Variants in EHMT1 observed in about 807,000 individuals in gnomAD.
The protein encoded by EHMT1 is euchromatic histone lysine methyltransferase 1.
Under a neutral mutation model 147.2 loss-of-function variants are expected in EHMT1, and 15 were observed. The observed-to-expected ratio is 0.10, with a 90% CI of 0.07 to 0.16. EHMT1 has a LOEUF of 0.16. Among genes scored for constraint, EHMT1 ranks in the 10% least tolerant of loss-of-function variants. The pLI is 1.00. For synonymous variants in EHMT1, 795 were observed against 709.6 expected (o/e 1.12, Z -1.91); for missense variants, 1,587 against 1,772.4 (o/e 0.90, Z 1.88).
chr9:137,806,166 G>A lies in EHMT1; in HGVS notation c.2712+5182G>A, dbSNP rs1953932276. 2.0e-5 allele frequency among the ~76,000 whole-genome samples: 3 copies of A among 151,744 alleles called. No homozygotes were observed. The South Asian group carries it at 6.2e-4, about 32-fold the overall frequency. ...TTAGGGATGGGGGTTTCACCATGTT[G>A]GCTAGGCTGGTTTCAAACTCCCAAC... is the stretch of plus-strand genomic sequence containing the variant. On this transcript the variant is annotated intron_variant, in intron 18 of 26. Coordinates refer to ENST00000460843, the MANE Select transcript of EHMT1 (RefSeq NM_024757.5).
rs148377931 is a variant in EHMT1 at position 137,781,472 on chromosome 9, C to G, written c.2276-819C>G. The stretch of plus-strand genomic sequence containing the variant: ...CGGTGATGATGCTGAGATGTGTGGT[C>G]ATGACGCTGGAATGTGTGGTGATGA... On this transcript the variant is annotated intron_variant, in intron 14 of 26. Transcript: ENST00000460843. 1.7e-3 allele frequency among the ~76,000 whole-genome samples: 245 copies of G among 148,208 alleles called. 1 individual carries two copies. Among genetic ancestry groups the G allele is most frequent in the South Asian group, 1.7e-3 (8 of 4,572 alleles).
Position 137,775,042 on chromosome 9 carries a change from G to A in EHMT1, c.1648-67G>A, listed in dbSNP as rs754750449. ...CTCTTGTGTGCCTGCACTGCCCAGCGCCTGGTGGGAGGGAATGCCGGCCTC... is the reference window on the plus strand; with the variant it reads ...CTCTTGTGTGCCTGCACTGCCCAGCACCTGGTGGGAGGGAATGCCGGCCTC... On this transcript the variant is annotated intron_variant, in intron 10 of 26. Coordinates refer to ENST00000460843, the MANE Select transcript of EHMT1 (RefSeq NM_024757.5). The surrounding 1 kb of genome is among the most constrained non-coding windows in gnomAD (Gnocchi z 6.1). The A allele has an allele frequency of 3.9e-5, 63 of 1,609,070 alleles. No homozygotes were observed. Among genetic ancestry groups the A allele is most frequent in the Admixed American group, 8.3e-5 (5 of 59,982 alleles).
At position 137,716,648 on chromosome 9, in the gene EHMT1, A is replaced by C. The variant is rs1221520708; in HGVS notation, c.108A>C (p.Glu36Asp). Residue 36 changes from glutamate (E) to aspartate (D), a missense_variant, in exon 3 of 27, where the codon GAA becomes GAC. Around this residue, in one of 7 missense-constraint regions of EHMT1, gnomAD observed 810 missense variants for 673.0 expected, o/e 1.20. Coordinates refer to ENST00000460843, the MANE Select transcript of EHMT1 (RefSeq NM_024757.5). ...LGEETPMAADEGSAEKQAGEA... is the reference protein window; with the variant it reads ...LGEETPMAADDGSAEKQAGEA... Reference sequence around the variant, plus strand: ...CAGAGACACCTATGGCTGCCGATGAAGGCTCAGCAGAGAAACAGGCAGGAG... The same window carrying C: ...CAGAGACACCTATGGCTGCCGATGACGGCTCAGCAGAGAAACAGGCAGGAG... The C allele has an allele frequency of 2.5e-6, 4 of 1,582,538 alleles. No individual in the cohort carries two copies. The highest frequency in any genetic ancestry group is 3.4e-6 in the Non-Finnish European group (4 of 1,161,700).
intron 1 of EHMT1, among the ~76,000 whole-genome samples, chr9:137,631,542 T>C (rs1045406042): frequency 6.6e-6 from 1 of 152,234 alleles, no homozygotes; most frequent in African/African-American, 2.4e-5. Context: ...AAGGACATTT[T>C]GGTCCGTGGC....
intron 1 of EHMT1, among the ~76,000 whole-genome samples, chr9:137,621,028 C>G (rs892993342): frequency 6.6e-6 from 1 of 152,158 alleles, no homozygotes; most frequent in Non-Finnish European, 1.5e-5. Flanking sequence ...CGCAGTGAGG[C>G]CCAAGATTGA....
chr9:137,716,971 C>A lies in EHMT1; in HGVS notation c.431C>A (p.Ala144Asp). The change falls in exon 3 of 27, where the codon GCC (alanine) becomes GAC (aspartate). Residue 144 changes from alanine to aspartate, a missense_variant. This residue lies in a region of EHMT1 where 810 missense variants were observed against 673.0 expected (regional missense o/e 1.20). Coordinates refer to ENST00000460843, the MANE Select transcript of EHMT1 (RefSeq NM_024757.5). The stretch of plus-strand genomic sequence containing the variant: ...CCCTTGAGGACTACCAGCACTCTGG[C>A]CTCTTCGCTGCCTGGCCATGCTGCA... Reference protein sequence around the residue: ...AQPLRTTSTLASSLPGHAAKT... With the variant: ...AQPLRTTSTLDSSLPGHAAKT... 1.2e-6 allele frequency: 2 copies of A among 1,611,198 alleles called. No homozygotes were observed. Among genetic ancestry groups the A allele is most frequent in the Non-Finnish European group, 1.7e-6 (2 of 1,178,344 alleles).
At chr9:137,823,100 GT>G (rs56014052) in intron 25 of EHMT1, among the ~76,000 whole-genome samples, 25 of 111,142 alleles carry the variant, frequency 2.2e-4, no homozygotes, top group South Asian at 3.1e-4. Context: ...CTGGCTAATT[GT>G]TTTTTTTTTT....
intron 12 of EHMT1, 26 bp from the exon 13 acceptor site, chr9:137,777,856 C>T (rs557828001): frequency 6.2e-7 from 1 of 1,611,440 alleles, no homozygotes; most frequent in South Asian, 1.1e-5. Context: ...TTTTCATAAA[C>T]CTTTCCCCGA....
At chr9:137,718,629 C>T (rs1312050774) in intron 3 of EHMT1, among the ~76,000 whole-genome samples, 1 of 152,160 alleles carries the variant, frequency 6.6e-6, no homozygotes, top group Non-Finnish European at 1.5e-5. Flanking sequence ...CTGTTTCCAG[C>T]TTCCTTACTG....
At chr9:137,798,691 T>C in intron 16 of EHMT1, 122 bp from the exon 17 acceptor site, 2 of 834,032 alleles carry the variant, frequency 2.4e-6, no homozygotes, top group Non-Finnish European at 4.1e-6. Flanking sequence ...TTCCTTGTCA[T>C]TTGAGCAGGA....
rs1216076579 is a variant in EHMT1 at position 137,782,465 on chromosome 9, A to G, written c.2382+68A>G. 2.8e-6 allele frequency: 4 copies of G among 1,422,998 alleles called. No homozygotes were observed. Among genetic ancestry groups the G allele is most frequent in the Non-Finnish European group, 3.8e-6 (4 of 1,043,592 alleles). The allele number at this position is 1,422,998 out of a possible 1,614,324, so 88.1% of individuals were successfully genotyped here. A position where few individuals can be genotyped will look rare whatever the true frequency, so the allele number is the denominator to read the frequency against. ...CTTTTATTTTTACCAAAGTAAAATC[A>G]TACCACGTTCGCGGTTCTTCCAGTG... is the stretch of plus-strand genomic sequence containing the variant. On this transcript the variant is annotated intron_variant, in intron 15 of 26. Transcript: ENST00000460843. This position sits in a 1 kb window ranked among gnomAD's most constrained non-coding sequence, Gnocchi z 5.7.
At chr9:137,663,042 C>A (rs1381084055) in intron 1 of EHMT1, among the ~76,000 whole-genome samples, 2 of 151,660 alleles carry the variant, frequency 1.3e-5, no homozygotes, top group Non-Finnish European at 2.9e-5. Context: ...GATCACCTGC[C>A]TCGGCCTCCC....
chr9:137,661,650 T>G (rs548163101), intron 1 of EHMT1, among the ~76,000 whole-genome samples: 1 of 147,924 alleles, frequency 6.8e-6, no homozygotes, highest in Non-Finnish European at 1.5e-5. Context: ...CATGCCTGGC[T>G]AATTTTTGTA....
chr9:137,743,524 C>G lies in EHMT1; in HGVS notation c.977C>G (p.Ser326Cys), dbSNP rs958602333. The G allele has an allele frequency of 1.9e-6, 3 of 1,613,924 alleles. No individual in the cohort carries two copies. The highest frequency in any genetic ancestry group is 2.2e-5 in the South Asian group (2 of 91,072). The change falls in exon 5 of 27, where the codon TCC becomes TGC. Residue 326 changes from serine (S) to cysteine (C), a missense_variant. By Grantham distance (112) the Ser-to-Cys change is moderately radical (BLOSUM62 -1). This residue lies in a region of EHMT1 where 810 missense variants were observed against 673.0 expected (regional missense o/e 1.20). Coordinates refer to ENST00000460843, the MANE Select transcript of EHMT1 (RefSeq NM_024757.5). ...FKSITHSTVG[S>C]KGEKDLGASS... ...AGCATAACTCATTCCACTGTGGGTT[C>G]CAAGGTAAGAGACGCATTTGAGTGA...
chr9:137,821,111 C>T (rs12348995), intron 25 of EHMT1, among the ~76,000 whole-genome samples: 22,839 of 152,152 alleles, frequency 0.15, 5,563 homozygotes, highest in African/African-American at 0.51. Flanking sequence ...CTCCTGACAT[C>T]GTAATCTGCC....
intron 13 of EHMT1, among the ~76,000 whole-genome samples, chr9:137,778,408 G>A (rs1951122842): frequency 6.6e-6 from 1 of 152,224 alleles, no homozygotes; most frequent in African/African-American, 2.4e-5. Flanking sequence ...CACCCCATCT[G>A]TGCAATGCGA....
chr9:137,635,858 A>C (rs1844026425), intron 1 of EHMT1, among the ~76,000 whole-genome samples: 1 of 151,928 alleles, frequency 6.6e-6, no homozygotes, highest in African/African-American at 2.4e-5. Flanking sequence ...TTAATGTATA[A>C]GTTTTGTAGT....
intron 10 of EHMT1, chr9:137,763,164 A>AGCCCAGAACT: frequency 2.3e-6 from 1 of 441,672 alleles, no homozygotes; most frequent in African/African-American, 2.2e-5. Flanking sequence ...CACCAAGGTG[A>AGCCCAGAACT]GTCCAGAACT....
intron 25 of EHMT1, among the ~76,000 whole-genome samples, chr9:137,824,815 A>AT (rs1564831038): frequency 6.6e-6 from 1 of 152,110 alleles, no homozygotes; most frequent in Non-Finnish European, 1.5e-5. Flanking sequence ...GAAATACTTG[A>AT]TTTTTTTGTG....
Sources: gnomAD v4.1 joint callset for allele counts (sites outside exome capture counted in the v4.1 genomes callset) on GRCh38, gnomAD v4.1.1 for gene constraint, gnomAD v4.1.1 regional missense constraint, Gnocchi (gnomAD v3.1) non-coding constraint, MANE v1.5 for transcripts, NCBI Gene and HGNC (gene_info 2026-07-23, HGNC 2026-07-21) for gene names.